ZC3H13: variants seen among roughly 807,000 people sequenced by gnomAD.
The protein encoded by ZC3H13 is zinc finger CCCH domain-containing protein 13.
ZC3H13 carries 64 observed loss-of-function variants against 204.1 expected under a neutral mutation model. The ratio of observed to expected loss-of-function variants is 0.31; its 90% CI spans 0.26 to 0.39. ZC3H13 has a LOEUF of 0.39. Among genes scored for constraint, ZC3H13 ranks in the 10% least tolerant of loss-of-function variants. The pLI, the probability that ZC3H13 is intolerant of heterozygous loss-of-function variation, is 1.00. For synonymous variants in ZC3H13, 667 were observed against 693.7 expected (o/e 0.96, Z 0.60); for missense variants, 1,833 against 2,082.7 (o/e 0.88, Z 2.33).
intron 5 of ZC3H13, among the ~76,000 whole-genome samples, chr13:46,015,206 G>A (rs1293740900): frequency 1.3e-5 from 2 of 152,124 alleles, no homozygotes; most frequent in East Asian, 1.9e-4. Flanking sequence ...ACGAATGGGT[G>A]AGTAATCATA....
chr13:45,982,857 T>C (rs552004559), intron 10 of ZC3H13, among the ~76,000 whole-genome samples: 1 of 152,252 alleles, frequency 6.6e-6, no homozygotes, highest in Admixed American at 6.5e-5. Flanking sequence ...CATTTCAGAT[T>C]AGGGATGCTC....
In ZC3H13 at chr13:46,017,490, A is replaced by G. The variant is rs996832017; in HGVS notation, c.448+2959T>C. Among the ~76,000 whole-genome samples the G allele has an allele frequency of 4.9e-5, 5 of 102,342 alleles. No homozygotes were observed. In the Admixed American group the frequency reaches 5.1e-4, roughly 10 times the overall value. The allele number at this position is 102,342 out of a possible 152,430, so 67.1% of individuals were successfully genotyped here. A position where few individuals can be genotyped will look rare whatever the true frequency, so the allele number is the denominator to read the frequency against. On this transcript the variant is annotated intron_variant, in intron 5 of 18. Coordinates refer to ENST00000679008, the MANE Select transcript of ZC3H13 (RefSeq NM_001330564.2). ...TGATGCAAAACACTGCCACCTCCTC[A>G]CAATTATTATTTTTTGCTTTGCAAA...
intron 15 of ZC3H13, among the ~76,000 whole-genome samples, chr13:45,966,803 G>T (rs1952128168): frequency 6.6e-6 from 1 of 152,152 alleles, no homozygotes; most frequent in Non-Finnish European, 1.5e-5. Context: ...TATAAATTGG[G>T]ACTTGAATTT....
intron 4 of ZC3H13, among the ~76,000 whole-genome samples, chr13:46,029,282 C>T (rs1165812088): frequency 6.6e-6 from 1 of 152,144 alleles, no homozygotes; most frequent in Non-Finnish European, 1.5e-5. Context: ...AGGTATATAT[C>T]TATTTTAAAA....
chr13:45,995,086 T>TA (rs2040238336), intron 8 of ZC3H13, among the ~76,000 whole-genome samples: 1 of 151,706 alleles, frequency 6.6e-6, no homozygotes, highest in African/African-American at 2.4e-5. Flanking sequence ...ACAGTGCAGG[T>TA]AGAGGCTATT....
At chr13:46,027,351 C>T (rs2042603725) in intron 4 of ZC3H13, among the ~76,000 whole-genome samples, 1 of 152,170 alleles carries the variant, frequency 6.6e-6, no homozygotes, top group African/African-American at 2.4e-5. Flanking sequence ...AGCAATCTGC[C>T]TGCCTTGGCC....
At chr13:46,051,693 A>G (rs892668015) in intron 1 of ZC3H13, among the ~76,000 whole-genome samples, 4 of 152,134 alleles carry the variant, frequency 2.6e-5, no homozygotes, top group African/African-American at 9.7e-5. Context: ...GAGACTTCAT[A>G]CTCCCATAAT....
intron 1 of ZC3H13, among the ~76,000 whole-genome samples, chr13:46,047,896 GCACAACCATCC>G (rs1192279796): frequency 1.7e-5 from 1 of 59,446 alleles, no homozygotes; most frequent in Admixed American, 1.6e-4. Flanking sequence ...TAGAAAACAG[GCACAACCATCC>G]CACCACACTG....
At chr13:46,010,054 C>T (rs907578754) in intron 7 of ZC3H13, 3 of 201,906 alleles carry the variant, frequency 1.5e-5, no homozygotes, top group Non-Finnish European at 3.0e-5. Context: ...AGTATAAACA[C>T]ATGCACAAGT....
rs564250595 is a variant in ZC3H13, at chr13:46,052,665, T to C, written c.-271A>G. 2.6e-4 allele frequency: 104 copies of C among 398,640 alleles called. 1 individual carries two copies. The highest frequency in any genetic ancestry group is 1.7e-3 in the South Asian group (13 of 7,850). 24.7% of individuals were successfully genotyped at this position (398,640 alleles called of 1,614,324 possible). ...CGCAGGAAGAAAAATAACGAAGAGA[T>C]TGTAGATTAAGAAAAGGCAACAAAA... On this transcript the variant is annotated 5_prime_UTR_variant, in exon 1 of 19. Transcript: ENST00000679008.
At chr13:46,006,829 T>C (rs534452670) in intron 7 of ZC3H13, among the ~76,000 whole-genome samples, 21 of 149,582 alleles carry the variant, frequency 1.4e-4, no homozygotes, top group Middle Eastern at 3.5e-3. Context: ...TGTCTTATTA[T>C]CACTCATAGC....
Position 45,969,036 on chromosome 13 carries a change from T to C in ZC3H13, c.3508A>G (p.Thr1170Ala), listed in dbSNP as rs1461486582. The C allele has an allele frequency of 1.9e-6, 3 of 1,614,228 alleles. No individual in the cohort carries two copies. Among genetic ancestry groups the C allele is most frequent in the African/African-American group, 2.7e-5 (2 of 75,060 alleles). The change falls in exon 14 of 19, where the codon ACG (threonine) becomes GCG (alanine). Residue 1170 changes from threonine (T) to alanine (A), a missense_variant. Thr to Ala is a moderately conservative substitution (Grantham distance 58, BLOSUM62 0). Coordinates refer to ENST00000679008, the MANE Select transcript of ZC3H13 (RefSeq NM_001330564.2). ...CHRTRVEKVE[T>A]PHVTIEDAQH... ...GCATCTTCTATAGTCACGTGAGGCG[T>C]CTCTACTTTTTCTACTCGTGTTCTG...
chr13:45,973,619 G>A (rs1314373647), intron 12 of ZC3H13, among the ~76,000 whole-genome samples: 1 of 152,166 alleles, frequency 6.6e-6, no homozygotes, highest in Non-Finnish European at 1.5e-5. Flanking sequence ...TGCCATGTCA[G>A]TGTTTAAAAA....
At chr13:46,002,831 C>T (rs1262728385) in intron 8 of ZC3H13, among the ~76,000 whole-genome samples, 1 of 152,068 alleles carries the variant, frequency 6.6e-6, no homozygotes, top group Non-Finnish European at 1.5e-5. Flanking sequence ...TGAAAAAGTT[C>T]TGCAGAATTG....
In ZC3H13 at chr13:46,014,219, G is replaced by C. The variant is rs2041765289; in HGVS notation, c.449-2665C>G. On this transcript the variant is annotated intron_variant, in intron 5 of 18. Transcript: ENST00000679008. ...CTGGGATACATGTGCTGAATGTGCA[G>C]GTTTGTAACATAGGTATACATGTGC... 2.6e-5 allele frequency among the ~76,000 whole-genome samples: 4 copies of C among 151,968 alleles called. No individual in the cohort carries two copies. In the South Asian group the frequency reaches 8.3e-4, roughly 32 times the overall value.
chr13:45,955,336 C>T lies in ZC3H13; in HGVS notation c.*1791G>A, dbSNP rs1198578201. The T allele has an allele frequency of 6.6e-6, 1 of 152,118 alleles. No individual in the cohort carries two copies. Among genetic ancestry groups the T allele is most frequent in the East Asian group, 1.9e-4 (1 of 5,194 alleles). The allele number at this position is 152,118 out of a possible 1,614,324, so 9.4% of individuals were successfully genotyped here. ...CTGAACAGTACATTTCCACTGGAAA[C>T]ATAAAGCTCTGAATGCTGTGACTGA... On this transcript the variant is annotated 3_prime_UTR_variant, in exon 19 of 19. Coordinates refer to ENST00000679008, the MANE Select transcript of ZC3H13 (RefSeq NM_001330564.2).
chr13:46,052,326 G>C (rs2274381), intron 1 of ZC3H13, 78 bp downstream of exon 1: 71 of 388,972 alleles, frequency 1.8e-4, no homozygotes, highest in Middle Eastern at 6.5e-4. Context: ...AAGACGGGGG[G>C]GGGTAACCCG....
intron 17 of ZC3H13, chr13:45,963,297 G>A: frequency 1.0e-6 from 1 of 986,748 alleles, no homozygotes; most frequent in Non-Finnish European, 1.2e-6. Flanking sequence ...GATGTCTAGG[G>A]GAAAGGGCTG....
At chr13:46,020,618 T>C (rs1401978941) in intron 4 of ZC3H13, 61 bp from the exon 5 acceptor site, 2 of 1,093,240 alleles carry the variant, frequency 1.8e-6, no homozygotes, top group African/African-American at 1.6e-5. Flanking sequence ...AGGTAGTTTA[T>C]TGTAATAAGA....
Sources: gnomAD v4.1 joint callset for allele counts (sites outside exome capture counted in the v4.1 genomes callset) on GRCh38, gnomAD v4.1.1 for gene constraint, MANE v1.5 for transcripts, NCBI Gene and HGNC (gene_info 2026-07-23, HGNC 2026-07-21) for gene names.